Variants in TMEM178A observed in about 807,000 individuals in gnomAD.
TMEM178A encodes the protein transmembrane protein 178A.
TMEM178A carries 12 observed loss-of-function variants against 29.1 expected under a neutral mutation model. The observed-to-expected ratio is 0.41, with a 90% confidence interval of 0.26 to 0.67. The LOEUF (loss-of-function observed/expected upper bound fraction) is 0.67. TMEM178A is among the 30% of genes least tolerant of loss of function. TMEM178A has a pLI of 0.29. For synonymous variants in TMEM178A, 210 were observed against 187.2 expected (o/e 1.12, Z -0.99); for missense variants, 366 against 419.1 (o/e 0.87, Z 1.11).
the TMEM178A span, among the ~76,000 whole-genome samples, chr2:39,723,024 G>A: frequency 6.6e-5 from 10 of 152,144 alleles, no homozygotes; most frequent in Non-Finnish European, 7.4e-5. Flanking sequence ...CGGAGGCTCC[G>A]CTGGATCCTA....
intron 1 of TMEM178A, among the ~76,000 whole-genome samples, chr2:39,702,478 G>A (rs960036278): frequency 1.3e-5 from 2 of 152,028 alleles, no homozygotes; most frequent in Non-Finnish European, 2.9e-5. Flanking sequence ...TGGAATGATA[G>A]TTTTGAAGAA....
chr2:39,726,771 A>G, the TMEM178A span, among the ~76,000 whole-genome samples: 1 of 152,160 alleles, frequency 6.6e-6, no homozygotes, highest in Non-Finnish European at 1.5e-5. Context: ...TAGCAGGGTG[A>G]CCAAAAAATG....
rs569423090 is a variant in TMEM178A at position 39,668,207 on chromosome 2, T to C, written c.400+1833T>C. On this transcript the variant is annotated intron_variant, in intron 1 of 3. Transcript: ENST00000281961. ...AGAGGTGGAAGGACTTTAGAGGTCATTGAAGTTGAACATCTACTGGTTGTT... is the reference window on the plus strand; with the variant it reads ...AGAGGTGGAAGGACTTTAGAGGTCACTGAAGTTGAACATCTACTGGTTGTT... 9.8e-5 allele frequency among the ~76,000 whole-genome samples: 15 copies of C among 152,352 alleles called. No homozygotes were observed. In the South Asian group the frequency reaches 3.1e-3, roughly 32 times the overall value.
At chr2:39,691,464 T>TAAAAC (rs560768680) in intron 1 of TMEM178A, among the ~76,000 whole-genome samples, 4 of 152,254 alleles carry the variant, frequency 2.6e-5, no homozygotes, top group Non-Finnish European at 4.4e-5. Flanking sequence ...TGCCTGTTGT[T>TAAAAC]AAAACAAAAC....
In TMEM178A at chr2:39,666,461, C is replaced by T. The variant is rs1392702263; in HGVS notation, c.400+87C>T. On this transcript the variant is annotated intron_variant, in intron 1 of 3. Transcript: ENST00000281961. ...CCAGGGGCGCGCCGGTCCCCGCAGC[C>T]CCCTCCCAGCCGCGGCCCCGCGCCT... The T allele has an allele frequency of 2.7e-6, 3 of 1,112,156 alleles. No homozygotes were observed. In the African/African-American group the frequency reaches 4.9e-5, roughly 18 times the overall value. The allele number at this position is 1,112,156 out of a possible 1,614,324, so 68.9% of individuals were successfully genotyped here. A position where few individuals can be genotyped will look rare whatever the true frequency, so the allele number is the denominator to read the frequency against.
intron 3 of TMEM178A, among the ~76,000 whole-genome samples, chr2:39,713,835 A>G (rs1672420275): frequency 6.6e-6 from 1 of 152,250 alleles, no homozygotes; most frequent in Non-Finnish European, 1.5e-5. Context: ...ATCCAGCTAT[A>G]GTAAGAATGC....
chr2:39,666,455 C>G (rs1163612368), intron 1 of TMEM178A, 81 bp downstream of exon 1: 1 of 1,150,804 alleles, frequency 8.7e-7, no homozygotes, highest in African/African-American at 1.6e-5. Context: ...CGCCGGTCCC[C>G]GCAGCCCCCT....
At chr2:39,726,950 G>A in the TMEM178A span, among the ~76,000 whole-genome samples, 1 of 152,168 alleles carries the variant, frequency 6.6e-6, no homozygotes, top group African/African-American at 2.4e-5. Context: ...CAAATCTCCT[G>A]ACTCTCTTGA....
intron 1 of TMEM178A, among the ~76,000 whole-genome samples, chr2:39,695,961 G>A (rs1043595473): frequency 1.3e-5 from 2 of 152,046 alleles, no homozygotes; most frequent in African/African-American, 4.8e-5. Context: ...TTATATCATA[G>A]CAAGTGAAAC....
downstream of TMEM178A, among the ~76,000 whole-genome samples, chr2:39,722,922 A>C (rs929679470): frequency 2.0e-5 from 3 of 152,132 alleles, no homozygotes; most frequent in Non-Finnish European, 2.9e-5. Flanking sequence ...AGGACCTTAG[A>C]GGTAAATTCC....
At chr2:39,711,291 A>G (rs1196423397) in intron 3 of TMEM178A, among the ~76,000 whole-genome samples, 1 of 152,228 alleles carries the variant, frequency 6.6e-6, no homozygotes, top group African/African-American at 2.4e-5. Flanking sequence ...TGGGTATAAT[A>G]TATACTTATT....
chr2:39,688,986 T>A (rs1271018592), intron 1 of TMEM178A, among the ~76,000 whole-genome samples: 2 of 152,222 alleles, frequency 1.3e-5, no homozygotes, highest in African/African-American at 2.4e-5. Flanking sequence ...TTTCACACTC[T>A]GAGCAGAGCT....
chr2:39,683,988 ATTG>A (rs1325570923), intron 1 of TMEM178A, among the ~76,000 whole-genome samples: 3 of 152,212 alleles, frequency 2.0e-5, no homozygotes, highest in African/African-American at 7.2e-5. Flanking sequence ...TATCTTAATT[ATTG>A]AATTATGTAT....
At chr2:39,691,128 GAAGA>G (rs2148078637) in intron 1 of TMEM178A, among the ~76,000 whole-genome samples, 1 of 152,298 alleles carries the variant, frequency 6.6e-6, no homozygotes, top group African/African-American at 2.4e-5. Flanking sequence ...AGCAAAGAAA[GAAGA>G]AAGGGACAGA....
chr2:39,690,981 G>C (rs911934588), intron 1 of TMEM178A, among the ~76,000 whole-genome samples: 4 of 152,114 alleles, frequency 2.6e-5, no homozygotes, highest in African/African-American at 9.7e-5. Context: ...CAATCAAACA[G>C]AAGAAAGAAT....
chr2:39,722,928 A>C (rs1672731567), downstream of TMEM178A, among the ~76,000 whole-genome samples: 2 of 152,068 alleles, frequency 1.3e-5, no homozygotes, highest in South Asian at 4.2e-4. Context: ...TTAGAGGTAA[A>C]TTCCCTCAAT....
Position 39,688,133 on chromosome 2 carries a change from C to T in TMEM178A, c.401-15948C>T, listed in dbSNP as rs151333819. On this transcript the variant is annotated intron_variant, in intron 1 of 3. Transcript: ENST00000281961. ...TGGCCTTTGGCAGGCCATTTAAGTG[C>T]TCTATGCCTTGTTTTCCTTATTTGC... is the stretch of plus-strand genomic sequence containing the variant. Among the ~76,000 whole-genome samples, 684 of 152,358 alleles carry T rather than the reference C, an allele frequency of 4.5e-3. 9 individuals are homozygous for T. Among genetic ancestry groups the T allele is most frequent in the African/African-American group, 0.015 (635 of 41,588 alleles).
In TMEM178A at chr2:39,678,461, G is replaced by A. The variant is rs1007785648; in HGVS notation, c.400+12087G>A. On this transcript the variant is annotated intron_variant, in intron 1 of 3. Coordinates refer to ENST00000281961, the MANE Select transcript of TMEM178A (RefSeq NM_152390.3). ...GATGGACCTTAAAAACACTATGCTC[G>A]GTGAAAGAAGTCAGACACCAAAGGC... 3.9e-5 allele frequency among the ~76,000 whole-genome samples: 6 copies of A among 152,164 alleles called. No homozygotes were observed. The East Asian group carries it at 5.8e-4, about 15-fold the overall frequency.
intron 1 of TMEM178A, among the ~76,000 whole-genome samples, chr2:39,699,311 C>A (rs1257475019): frequency 1.3e-5 from 2 of 152,088 alleles, no homozygotes; most frequent in Non-Finnish European, 2.9e-5. Context: ...ATGGGCATAA[C>A]CAAATTTTAG....
Sources: gnomAD v4.1 joint callset for allele counts (sites outside exome capture counted in the v4.1 genomes callset) on GRCh38, gnomAD v4.1.1 for gene constraint, MANE v1.5 for transcripts, NCBI Gene and HGNC (gene_info 2026-07-23, HGNC 2026-07-21) for gene names.